The following SLC9A9 variants were observed in gnomAD, a reference collection of about 807,000 sequenced individuals.
SLC9A9 encodes solute carrier family 9 member A9.
SLC9A9 carries 62 observed loss-of-function variants against 77.8 expected under a neutral mutation model. That is an observed-to-expected ratio of 0.80 (90% CI 0.65 to 0.98). The LOEUF is 0.98. Among genes scored for constraint, SLC9A9 ranks in the 50% least tolerant of loss-of-function variants. The pLI is 0.00. For missense variants in SLC9A9, 775 were observed against 774.9 expected, an observed-to-expected ratio of 1.00 and a Z score of 0.00; for synonymous variants, 320 against 283.5, an observed-to-expected ratio of 1.13 and a Z score of -1.29.
chr3:143,629,775 A>T (rs903486358), intron 6 of SLC9A9, among the ~76,000 whole-genome samples: 5 of 152,114 alleles, frequency 3.3e-5, no homozygotes, highest in African/African-American at 1.2e-4. Context: ...TCCAGACAAA[A>T]AGAATAGCAT....
chr3:143,677,672 A>G (rs1284409341), intron 5 of SLC9A9, among the ~76,000 whole-genome samples: 1 of 152,224 alleles, frequency 6.6e-6, no homozygotes, highest in African/African-American at 2.4e-5. Context: ...AATGACTGTT[A>G]CTTGGTATTA....
In SLC9A9 at chr3:143,343,699, T is replaced by C. The variant is rs186261706; in HGVS notation, c.1604+19785A>G. ...AGCAGCACTTTTAGTCTGCTATTCATACATTAAAAATGACAGAGAATATAC... is the reference window on the plus strand; with the variant it reads ...AGCAGCACTTTTAGTCTGCTATTCACACATTAAAAATGACAGAGAATATAC... On this transcript the variant is annotated intron_variant, in intron 14 of 15. Transcript: ENST00000316549. The C allele has an allele frequency of 3.3e-5, 5 of 152,328 alleles. No individual in the cohort carries two copies. The East Asian group carries it at 9.6e-4, about 29-fold the overall frequency. 9.4% of individuals were successfully genotyped at this position (152,328 alleles called of 1,614,324 possible). A position where few individuals can be genotyped will look rare whatever the true frequency, so the allele number is the denominator to read the frequency against.
chr3:143,548,695 T>C (rs749123171), intron 9 of SLC9A9, among the ~76,000 whole-genome samples: 1 of 152,226 alleles, frequency 6.6e-6, no homozygotes, highest in African/African-American at 2.4e-5. Flanking sequence ...CGATGTTACA[T>C]GTGTTTTCAT....
rs186502095 is a variant in SLC9A9 at position 143,760,619 on chromosome 3, G to A, written c.533+34382C>T. 4.7e-3 allele frequency among the ~76,000 whole-genome samples: 709 copies of A among 152,132 alleles called. 4 individuals carry two copies. Among genetic ancestry groups the A allele is most frequent in the Non-Finnish European group, 8.0e-3 (544 of 67,998 alleles). On this transcript the variant is annotated intron_variant, in intron 4 of 15. Transcript: ENST00000316549. ...GCTTCAAAGACAATAAAATACCTAG[G>A]AATCCAACTTACAAGGGATGTGAAG...
intron 9 of SLC9A9, among the ~76,000 whole-genome samples, chr3:143,540,422 G>A (rs1225884048): frequency 2.0e-5 from 3 of 152,168 alleles, no homozygotes; most frequent in Admixed American, 2.0e-4. Context: ...TTGTAGTAAA[G>A]CAGGGAAATA....
At chr3:143,311,728 G>C (rs1382827551) in intron 14 of SLC9A9, among the ~76,000 whole-genome samples, 1 of 152,134 alleles carries the variant, frequency 6.6e-6, no homozygotes, top group Non-Finnish European at 1.5e-5. Context: ...ATCTAATTAT[G>C]GTGACAAGGG....
At chr3:143,430,049 A>G (rs2034483068) in intron 12 of SLC9A9, among the ~76,000 whole-genome samples, 1 of 152,220 alleles carries the variant, frequency 6.6e-6, no homozygotes, top group Admixed American at 6.5e-5. Context: ...TTCAAGCCAC[A>G]GCGGCTTGAC....
chr3:143,828,831 A>G (rs1379677297), intron 2 of SLC9A9, among the ~76,000 whole-genome samples: 9 of 152,208 alleles, frequency 5.9e-5, no homozygotes, highest in Admixed American at 5.9e-4. Context: ...ATGTGAAGTA[A>G]AGAAGAACAA....
At chr3:143,644,719 A>C (rs1044517303) in intron 6 of SLC9A9, among the ~76,000 whole-genome samples, 3 of 152,080 alleles carry the variant, frequency 2.0e-5, no homozygotes, top group Admixed American at 6.5e-5. Flanking sequence ...GTCAGCATGA[A>C]ATTGACTCCC....
At position 143,518,734 on chromosome 3, in the gene SLC9A9, C is replaced by T. The variant is rs1349043145; in HGVS notation, c.1090-23286G>A. Among the ~76,000 whole-genome samples the T allele has an allele frequency of 4.6e-5, 7 of 152,200 alleles. No individual in the cohort carries two copies. The East Asian group carries it at 1.3e-3, about 29-fold the overall frequency. Reference sequence around the variant, plus strand: ...AGTTATGATTAACTCATTTTCCTTGCTATATGATATAAATAAGTGGAAATG... The same window carrying T: ...AGTTATGATTAACTCATTTTCCTTGTTATATGATATAAATAAGTGGAAATG... On this transcript the variant is annotated intron_variant, in intron 9 of 15. Transcript: ENST00000316549.
intron 4 of SLC9A9, among the ~76,000 whole-genome samples, chr3:143,754,443 C>T (rs1177574231): frequency 6.6e-6 from 1 of 152,076 alleles, no homozygotes; most frequent in African/African-American, 2.4e-5. Flanking sequence ...ATTATTTTGC[C>T]AGGAGAGTGT....
At chr3:143,379,420 T>C (rs539055432) in intron 13 of SLC9A9, among the ~76,000 whole-genome samples, 4 of 152,356 alleles carry the variant, frequency 2.6e-5, no homozygotes, top group Admixed American at 6.5e-5. Context: ...GCCCACTGTT[T>C]CCTGTACTTG....
intron 6 of SLC9A9, among the ~76,000 whole-genome samples, chr3:143,650,178 A>G (rs780352009): frequency 1.6e-4 from 24 of 152,198 alleles, no homozygotes; most frequent in Non-Finnish European, 3.1e-4. Context: ...TCAGGGTGCT[A>G]TACATGGTTT....
chr3:143,792,772 C>T (rs904872377), intron 4 of SLC9A9, among the ~76,000 whole-genome samples: 1 of 152,190 alleles, frequency 6.6e-6, no homozygotes, highest in Non-Finnish European at 1.5e-5. Flanking sequence ...TCTACATTTA[C>T]CTTTTCTGCC....
At chr3:143,693,453 C>G in intron 4 of SLC9A9, 146 bp from the exon 5 acceptor site, 1 of 689,040 alleles carries the variant, frequency 1.5e-6, no homozygotes, top group Non-Finnish European at 2.6e-6. Context: ...CGTGCTAGGT[C>G]TCTGTACACT....
At chr3:143,301,440 T>G (rs1391295314) in intron 14 of SLC9A9, among the ~76,000 whole-genome samples, 1 of 152,222 alleles carries the variant, frequency 6.6e-6, no homozygotes, top group Non-Finnish European at 1.5e-5. Flanking sequence ...AGATTGGCCT[T>G]GCAGGATTAG....
intron 1 of SLC9A9, among the ~76,000 whole-genome samples, chr3:143,843,455 A>G (rs978265016): frequency 1.3e-5 from 2 of 152,222 alleles, no homozygotes; most frequent in African/African-American, 4.8e-5. Flanking sequence ...CTTAACTGTT[A>G]AGCACATTCT....
At chr3:143,571,627 C>A (rs2037259231) in intron 8 of SLC9A9, among the ~76,000 whole-genome samples, 1 of 50,340 alleles carries the variant, frequency 2.0e-5, no homozygotes. Context: ...ATAAGCATGA[C>A]TTAAAAAAAA....
At chr3:143,347,254 A>C (rs1281850242) in intron 14 of SLC9A9, among the ~76,000 whole-genome samples, 1 of 152,206 alleles carries the variant, frequency 6.6e-6, no homozygotes, top group Non-Finnish European at 1.5e-5. Context: ...CAAGCATCAC[A>C]ACCAATTACT....
Sources: allele counts gnomAD v4.1 joint callset (sites outside exome capture counted in the v4.1 genomes callset), GRCh38; gene constraint gnomAD v4.1.1; transcripts MANE v1.5; gene names NCBI Gene and HGNC (gene_info 2026-07-23, HGNC 2026-07-21).